The following DST variants were observed in gnomAD, a reference collection of about 807,000 sequenced individuals.
DST encodes bullous pemphigoid antigen.
A neutral mutation model predicts 875.2 loss-of-function variants in DST; 253 were observed. That is an observed-to-expected ratio of 0.29 (90% CI 0.26 to 0.32). The LOEUF (loss-of-function observed/expected upper bound fraction) is 0.32. Ranked by LOEUF, DST falls within the 10% of genes least tolerant of loss-of-function variation. The probability of loss-of-function intolerance (pLI) is 1.00; values close to 1 mark genes in which losing one functional copy is unlikely to be tolerated. For synonymous variants in DST, 3,124 were observed against 3,197.1 expected (o/e 0.98, Z 0.77); for missense variants, 8,287 against 9,111.6 (o/e 0.91, Z 3.68).
In DST at chr6:56,604,813, A is replaced by C. The variant is rs372600833; in HGVS notation, c.9815T>G (p.Leu3272Arg). 6.2e-7 allele frequency: 1 copy of C among 1,612,846 alleles called. No individual in the cohort carries two copies. The highest frequency in any genetic ancestry group is 2.2e-5 in the East Asian group (1 of 44,850). ...TACATGTTTACGAGATAATATTGAA[A>C]GTGTGGCTTCAATACTTTCTGGTGT... is the stretch of plus-strand genomic sequence containing the variant. The part of the protein sequence containing the change: ...QFTPESIEAT[L>R]SILSRKHVED... Residue 3272 changes from leucine (L) to arginine (R), a missense_variant, in exon 40 of 104, where the codon CTT becomes CGT. By Grantham distance (102) the Leu-to-Arg change is moderately radical (BLOSUM62 -2). Around this residue, in one of 10 missense-constraint regions of DST, gnomAD observed 3,138 missense variants for 3,116.6 expected, o/e 1.01. Coordinates refer to ENST00000680361, the MANE Select transcript of DST (RefSeq NM_001374736.1).
At chr6:56,617,880 C>T (rs928792250) in intron 36 of DST, 9 of 920,416 alleles carry the variant, frequency 9.8e-6, no homozygotes, top group East Asian at 9.7e-5. Context: ...TACAATGAGC[C>T]AATCACATTC....
intron 2 of DST, among the ~76,000 whole-genome samples, chr6:56,932,200 CAGG>C (rs1246554567): frequency 2.0e-5 from 3 of 152,116 alleles, no homozygotes; most frequent in Non-Finnish European, 4.4e-5. Context: ...AAATAAGCTT[CAGG>C]AGATCTGATG....
intron 2 of DST, among the ~76,000 whole-genome samples, chr6:56,940,838 C>T (rs1224742490): frequency 1.3e-5 from 2 of 152,062 alleles, no homozygotes; most frequent in African/African-American, 2.4e-5. Flanking sequence ...GATCCTCCCC[C>T]GTCAGCCTCC....
intron 3 of DST, among the ~76,000 whole-genome samples, chr6:56,900,147 A>G (rs1164105714): frequency 3.3e-5 from 5 of 151,982 alleles, no homozygotes; most frequent in African/African-American, 1.2e-4. Context: ...TCATTCTAGA[A>G]CTCCAGCTTC....
At chr6:56,544,518 C>CA (rs1038328382) in intron 61 of DST, among the ~76,000 whole-genome samples, 6 of 151,978 alleles carry the variant, frequency 3.9e-5, no homozygotes, top group African/African-American at 1.2e-4. Context: ...TTAAATGATT[C>CA]AAAAAAATAG....
intron 2 of DST, among the ~76,000 whole-genome samples, chr6:56,953,294 T>A (rs1395401660): frequency 6.6e-6 from 1 of 152,202 alleles, no homozygotes; most frequent in Non-Finnish European, 1.5e-5. Flanking sequence ...CACACTACCA[T>A]CATCGCTTTG....
chr6:56,757,153 A>C (rs1444572311), intron 4 of DST, among the ~76,000 whole-genome samples: 3 of 152,236 alleles, frequency 2.0e-5, no homozygotes, highest in Non-Finnish European at 4.4e-5. Context: ...ACAACTGAGA[A>C]ACAGTGACAG....
At chr6:56,933,904 T>C (rs1011742971) in intron 2 of DST, among the ~76,000 whole-genome samples, 3 of 152,190 alleles carry the variant, frequency 2.0e-5, no homozygotes, top group Non-Finnish European at 2.9e-5. Context: ...TCATAAAAAG[T>C]GAACTGAAAC....
At chr6:56,790,715 C>A (rs144984995) in intron 4 of DST, among the ~76,000 whole-genome samples, 74 of 152,288 alleles carry the variant, frequency 4.9e-4, no homozygotes, top group African/African-American at 1.5e-3. Context: ...CAAAATTACT[C>A]ATGAACTTTA....
chr6:56,590,341 A>G (rs953634738), intron 49 of DST, among the ~76,000 whole-genome samples: 12 of 152,172 alleles, frequency 7.9e-5, no homozygotes, highest in African/African-American at 2.9e-4. Context: ...AATTACTTTT[A>G]TATGCAGTAT....
In DST at chr6:56,807,631, C is replaced by A. The variant is rs372428802; in HGVS notation, c.625+43766G>T. The stretch of plus-strand genomic sequence containing the variant: ...TCCCAGAGGTGCCAAGTTAATTCAA[C>A]GGAAGAAAGGACAGTTTTTTCAACA... On this transcript the variant is annotated intron_variant, in intron 4 of 103. Coordinates refer to ENST00000680361, the MANE Select transcript of DST (RefSeq NM_001374736.1). Among the ~76,000 whole-genome samples the A allele has an allele frequency of 2.6e-5, 4 of 152,182 alleles. No homozygotes were observed. In the South Asian group the frequency reaches 6.2e-4, roughly 24 times the overall value.
chr6:56,638,344 G>A (rs1391961883), intron 22 of DST, among the ~76,000 whole-genome samples: 1 of 152,002 alleles, frequency 6.6e-6, no homozygotes, highest in Non-Finnish European at 1.5e-5. Context: ...GACATTTCAT[G>A]TAGACACAAA....
intron 10 of DST, chr6:56,670,379 T>G (rs998902634): frequency 8.4e-6 from 2 of 237,442 alleles, no homozygotes; most frequent in African/African-American, 4.5e-5. Flanking sequence ...TGTATTTTTT[T>G]GTAGAGAGAG....
chr6:56,725,821 T>G (rs945724996), intron 5 of DST, among the ~76,000 whole-genome samples: 7 of 152,180 alleles, frequency 4.6e-5, no homozygotes, highest in Admixed American at 4.6e-4. Flanking sequence ...AAGCTCCCAT[T>G]CCATATGTTA....
intron 60 of DST, among the ~76,000 whole-genome samples, chr6:56,554,407 T>C (rs1379941551): frequency 6.6e-6 from 1 of 152,120 alleles, no homozygotes; most frequent in Non-Finnish European, 1.5e-5. Context: ...TTACATATTA[T>C]GGAGGCAACA....
At chr6:56,526,253 C>T (rs1352982122) in intron 69 of DST, 108 bp downstream of exon 69, 1 of 1,177,564 alleles carries the variant, frequency 8.5e-7, no homozygotes, top group Non-Finnish European at 1.2e-6. Context: ...ATTTTGGAAG[C>T]ACAGCAAATG....
chr6:56,520,437 A>G (rs2152494912), intron 69 of DST, among the ~76,000 whole-genome samples: 3 of 152,222 alleles, frequency 2.0e-5, no homozygotes, highest in Middle Eastern at 6.8e-3. Flanking sequence ...CTCACAGAGC[A>G]GCATGAAGAA....
intron 4 of DST, among the ~76,000 whole-genome samples, chr6:56,849,989 G>T (rs1764257447): frequency 6.6e-6 from 1 of 152,158 alleles, no homozygotes; most frequent in Non-Finnish European, 1.5e-5. Context: ...ATCTGTATAG[G>T]CATTCATTTC....
At chr6:56,932,744 G>C (rs971134980) in intron 2 of DST, among the ~76,000 whole-genome samples, 2 of 151,788 alleles carry the variant, frequency 1.3e-5, no homozygotes, top group African/African-American at 4.8e-5. Context: ...GCCTTGGTGT[G>C]TAAATCCCCA....
Sources: allele counts gnomAD v4.1 joint callset (sites outside exome capture counted in the v4.1 genomes callset), GRCh38; gene constraint gnomAD v4.1.1; regional missense constraint gnomAD v4.1.1; transcripts MANE v1.5; gene names NCBI Gene and HGNC (gene_info 2026-07-23, HGNC 2026-07-21).